PCSK2: variants seen among roughly 807,000 people sequenced by gnomAD.
PCSK2 encodes the protein neuroendocrine convertase 2.
Under a neutral mutation model 69.7 loss-of-function variants are expected in PCSK2, and 14 were observed. The ratio of observed to expected loss-of-function variants is 0.20; its 90% CI spans 0.13 to 0.31. The LOEUF is 0.31. Ranked by LOEUF, PCSK2 falls within the 10% of genes least tolerant of loss-of-function variation. The pLI, the probability that PCSK2 is intolerant of heterozygous loss-of-function variation, is 1.00. For missense variants in PCSK2, 544 were observed against 842.5 expected (o/e 0.65, Z 4.39); for synonymous variants, 307 against 320.7 (o/e 0.96, Z 0.46).
intron 2 of PCSK2, among the ~76,000 whole-genome samples, chr20:17,348,010 AAG>A (rs1213361187): frequency 2.8e-5 from 4 of 141,670 alleles, no homozygotes; most frequent in East Asian, 2.0e-4. Flanking sequence ...GAAAGAAAGA[AAG>A]AGAGAAAAGA....
chr20:17,315,310 A>C (rs1989648557), intron 2 of PCSK2, among the ~76,000 whole-genome samples: 1 of 139,542 alleles, frequency 7.2e-6, no homozygotes, highest in Admixed American at 7.0e-5. Flanking sequence ...AATAAAGAGG[A>C]GGAAAAAAAA....
In PCSK2 at chr20:17,360,481, C is replaced by A. The variant is rs758710313; in HGVS notation, c.397-51C>A. ...TGTCAAGTAAATATGTACATGGGTG[C>A]TTTACAACACCAAACTAATACCATT... On this transcript the variant is annotated intron_variant, in intron 3 of 11. Coordinates refer to ENST00000262545, the MANE Select transcript of PCSK2 (RefSeq NM_002594.5). 6 of 1,112,036 alleles carry A rather than the reference C, an allele frequency of 5.4e-6. No individual in the cohort carries two copies. The African/African-American group carries it at 6.1e-5, about 11-fold the overall frequency. The allele number at this position is 1,112,036 out of a possible 1,614,324, so 68.9% of individuals were successfully genotyped here.
intron 6 of PCSK2, among the ~76,000 whole-genome samples, chr20:17,412,245 C>T (rs2031891736): frequency 6.6e-6 from 1 of 152,110 alleles, no homozygotes; most frequent in Admixed American, 6.5e-5. Context: ...GCTAAAGGAG[C>T]ATATTCTAAC....
At chr20:17,441,074 G>T (rs191298278) in intron 8 of PCSK2, among the ~76,000 whole-genome samples, 86 of 152,188 alleles carry the variant, frequency 5.7e-4, no homozygotes, top group African/African-American at 2.0e-3. Flanking sequence ...TCGTGGCTCC[G>T]GCTCTCCAAC....
At chr20:17,251,578 A>G (rs527763931) in intron 1 of PCSK2, among the ~76,000 whole-genome samples, 1 of 152,376 alleles carries the variant, frequency 6.6e-6, no homozygotes, top group Admixed American at 6.5e-5. Context: ...CGGTGTCATC[A>G]GTTGACAGAC....
intron 2 of PCSK2, among the ~76,000 whole-genome samples, chr20:17,302,785 T>A (rs1989129093): frequency 6.6e-6 from 1 of 152,216 alleles, no homozygotes; most frequent in Non-Finnish European, 1.5e-5. Context: ...TATTCAGTAC[T>A]GGTTACGAAT....
At chr20:17,273,523 C>T (rs939640822) in intron 2 of PCSK2, among the ~76,000 whole-genome samples, 2 of 152,144 alleles carry the variant, frequency 1.3e-5, no homozygotes, top group Non-Finnish European at 2.9e-5. Context: ...TTTGCCAAAG[C>T]AGAAAAGGTG....
rs1205264432 is a variant in PCSK2 at position 17,332,098 on chromosome 20, A to C, written c.283-26229A>C. Among the ~76,000 whole-genome samples the C allele has an allele frequency of 2.0e-5, 3 of 152,230 alleles. No individual in the cohort carries two copies. The East Asian group carries it at 5.8e-4, about 29-fold the overall frequency. ...CGAGAATCCTATAAAATTGTGCATC[A>C]GTGCTATGTCTTCATAACAAACTAA... On this transcript the variant is annotated intron_variant, in intron 2 of 11. Coordinates refer to ENST00000262545, the MANE Select transcript of PCSK2 (RefSeq NM_002594.5).
At position 17,232,669 on chromosome 20, in the gene PCSK2, T is replaced by A. The variant is rs1310037784; in HGVS notation, c.177+5187T>A. Among the ~76,000 whole-genome samples the A allele has an allele frequency of 3.3e-5, 5 of 152,334 alleles. No individual in the cohort carries two copies. The East Asian group carries it at 9.6e-4, about 29-fold the overall frequency. On this transcript the variant is annotated intron_variant, in intron 1 of 11. Coordinates refer to ENST00000262545, the MANE Select transcript of PCSK2 (RefSeq NM_002594.5). Reference sequence around the variant, plus strand: ...TGTCACAACAATGTTCAATCCAGATTATATGCTTTTACTTCTACTTTGTCA... The same window carrying A: ...TGTCACAACAATGTTCAATCCAGATAATATGCTTTTACTTCTACTTTGTCA...
chr20:17,440,706 C>T lies in PCSK2; in HGVS notation c.885+3823C>T, dbSNP rs148031022. Among the ~76,000 whole-genome samples, 313 of 152,134 alleles carry T rather than the reference C, an allele frequency of 2.1e-3. 1 individual carries two copies. Among genetic ancestry groups the T allele is most frequent in the African/African-American group, 6.8e-3 (284 of 41,512 alleles). On this transcript the variant is annotated intron_variant, in intron 8 of 11. Transcript: ENST00000262545. ...TGAAACCCCGTCTCTACTAAAGATA[C>T]AAAAAATTAGCCAGGTGTGGTGGTG...
At chr20:17,303,318 A>G (rs1186379555) in intron 2 of PCSK2, among the ~76,000 whole-genome samples, 1 of 136,210 alleles carries the variant, frequency 7.3e-6, no homozygotes, top group Non-Finnish European at 1.5e-5. Flanking sequence ...TATTATAACC[A>G]TATATATCTA....
At chr20:17,379,776 C>A (rs2031036723) in intron 5 of PCSK2, among the ~76,000 whole-genome samples, 1 of 152,160 alleles carries the variant, frequency 6.6e-6, no homozygotes, top group Admixed American at 6.6e-5. Context: ...CAGATGTCAT[C>A]AAGGCGCCTA....
At chr20:17,457,213 G>A (rs777263868) in intron 10 of PCSK2, among the ~76,000 whole-genome samples, 1 of 152,236 alleles carries the variant, frequency 6.6e-6, no homozygotes, top group Non-Finnish European at 1.5e-5. Flanking sequence ...AGTGCCGGCT[G>A]TGTAGGGAAT....
intron 2 of PCSK2, among the ~76,000 whole-genome samples, chr20:17,306,657 A>G (rs1989336972): frequency 6.6e-6 from 1 of 152,184 alleles, no homozygotes; most frequent in Non-Finnish European, 1.5e-5. Context: ...ATTTCTCATT[A>G]TTGCTCCATC....
At chr20:17,364,605 G>A (rs907623135) in intron 4 of PCSK2, among the ~76,000 whole-genome samples, 5 of 152,124 alleles carry the variant, frequency 3.3e-5, no homozygotes, top group South Asian at 2.1e-4. Flanking sequence ...CAGTATGGGG[G>A]AACCCACCCC....
At chr20:17,419,469 G>A (rs1174334408) in intron 6 of PCSK2, among the ~76,000 whole-genome samples, 1 of 152,206 alleles carries the variant, frequency 6.6e-6, no homozygotes, top group Non-Finnish European at 1.5e-5. Flanking sequence ...AACTCAAATT[G>A]TAAAAAGGTA....
Position 17,368,810 on chromosome 20 carries a change from C to T in PCSK2, c.506-430C>T, listed in dbSNP as rs567136052. The stretch of plus-strand genomic sequence containing the variant: ...CCCTTTACCTAATGGCTTTTCTTGC[C>T]CAGCCATGTTCTCTTATTATTTCCA... On this transcript the variant is annotated intron_variant, in intron 4 of 11. Transcript: ENST00000262545. 3.4e-4 allele frequency among the ~76,000 whole-genome samples: 52 copies of T among 152,316 alleles called. 1 individual carries two copies. The highest frequency in any genetic ancestry group is 1.2e-3 in the African/African-American group (49 of 41,582).
At chr20:17,471,156 T>G (rs6136105) in intron 11 of PCSK2, among the ~76,000 whole-genome samples, 19,617 of 152,100 alleles carry the variant, frequency 0.13, 1,233 homozygotes, top group East Asian at 0.16. Flanking sequence ...TGAGGGCGTA[T>G]GCTGAGATGA....
intron 1 of PCSK2, among the ~76,000 whole-genome samples, chr20:17,243,137 A>C (rs1260822904): frequency 6.6e-6 from 1 of 152,246 alleles, no homozygotes; most frequent in Non-Finnish European, 1.5e-5. Context: ...AGGAATAATA[A>C]AAATAAATAA....
Sources: gnomAD v4.1 joint callset for allele counts (sites outside exome capture counted in the v4.1 genomes callset) on GRCh38, gnomAD v4.1.1 for gene constraint, MANE v1.5 for transcripts, NCBI Gene and HGNC (gene_info 2026-07-23, HGNC 2026-07-21) for gene names.